Variants in LAMP1 observed in about 807,000 individuals in gnomAD.
The protein encoded by LAMP1 is lysosome associated membrane protein 1.
LAMP1 carries 7 observed loss-of-function variants against 37.5 expected under a neutral mutation model. The observed-to-expected ratio is 0.19, with a 90% CI of 0.11 to 0.35. The LOEUF (loss-of-function observed/expected upper bound fraction) is 0.35. LAMP1 is among the 10% of genes least tolerant of loss of function. The probability of loss-of-function intolerance (pLI) is 1.00; values close to 1 mark genes in which losing one functional copy is unlikely to be tolerated. For synonymous variants in LAMP1, 236 were observed against 229.1 expected (o/e 1.03, Z -0.27); for missense variants, 537 against 552.8 (o/e 0.97, Z 0.29).
Position 113,319,597 on chromosome 13 carries a change from T to C in LAMP1, c.691T>C (p.Cys231Arg). ...CAACGTGAGCGGCACCAACGGGACC[T>C]GCCTGCTGGCCAGCATGGGGCTGCA... ...KYNVSGTNGT[C>R]LLASMGLQLN... The change falls in exon 5 of 9, where the codon TGC becomes CGC. Residue 231 changes from cysteine to arginine, a missense_variant. Cys to Arg is a radical substitution (Grantham distance 180). Coordinates refer to ENST00000332556, the MANE Select transcript of LAMP1 (RefSeq NM_005561.4). The C allele has an allele frequency of 1.9e-6, 3 of 1,613,964 alleles. No individual in the cohort carries two copies. Among genetic ancestry groups the C allele is most frequent in the Non-Finnish European group, 2.5e-6 (3 of 1,179,988 alleles).
Position 113,309,630 on chromosome 13 carries a change from G to T in LAMP1, c.184-13G>T. 6.3e-7 allele frequency: 1 copy of T among 1,592,548 alleles called. No individual in the cohort carries two copies. ...CATCCCAATTGGGTTACATTTAATTGTGTTTATTCTAGAACATGACCTTTG... is the reference window on the plus strand; with the variant it reads ...CATCCCAATTGGGTTACATTTAATTTTGTTTATTCTAGAACATGACCTTTG... On this transcript the variant is annotated splice_polypyrimidine_tract_variant and intron_variant, in intron 2 of 8. Transcript: ENST00000332556.
chr13:113,314,890 C>A (rs2042652260), intron 4 of LAMP1, among the ~76,000 whole-genome samples: 1 of 120,434 alleles, frequency 8.3e-6, no homozygotes. Flanking sequence ...GGGGCGTGGC[C>A]TCCTAGAGGG....
In LAMP1 at chr13:113,321,458, C is replaced by A. The variant is rs943758414; in HGVS notation, c.931C>A (p.Pro311Thr). Residue 311 changes from proline (P) to threonine (T), a missense_variant, in exon 7 of 9, where the codon CCT becomes ACT. Coordinates refer to ENST00000332556, the MANE Select transcript of LAMP1 (RefSeq NM_005561.4). This position sits in a 1 kb window ranked among gnomAD's most constrained non-coding sequence, Gnocchi z 5.6. Reference protein sequence around the residue: ...LQGIQLNTILPDARDPAFKAA... With the variant: ...LQGIQLNTILTDARDPAFKAA... The stretch of plus-strand genomic sequence containing the variant: ...AGGAATCCAGTTGAATACAATTCTT[C>A]CTGACGCCAGAGGTGAGAACCCACA... 1.9e-6 allele frequency: 3 copies of A among 1,614,070 alleles called. No homozygotes were observed. The Admixed American group carries it at 5.0e-5, about 27-fold the overall frequency.
intron 4 of LAMP1, among the ~76,000 whole-genome samples, chr13:113,313,798 A>G (rs1487435944): frequency 3.5e-4 from 23 of 65,242 alleles, no homozygotes; most frequent in Non-Finnish European, 5.3e-4. Flanking sequence ...CCTGGAGGGA[A>G]CCAGTGTGGA....
chr13:113,301,639 AAAAAAATATATATATAT>A lies in LAMP1; in HGVS notation c.61+4146_61+4162del, dbSNP rs1330931954. ...CTCTGTTTCCATTTAAAAAAAAAAAAAAAAAATATATATATATATATATATATATATATATATATATA... is the reference window on the plus strand; with the variant it reads ...CTCTGTTTCCATTTAAAAAAAAAAAAATATATATATATATATATATATATA... On this transcript the variant is annotated intron_variant, in intron 1 of 8. Coordinates refer to ENST00000332556, the MANE Select transcript of LAMP1 (RefSeq NM_005561.4). Among the ~76,000 whole-genome samples, 185 of 31,162 alleles carry A rather than the reference AAAAAAATATATATATAT, an allele frequency of 5.9e-3. 12 individuals are homozygous for A. Among genetic ancestry groups the A allele is most frequent in the African/African-American group, 0.014 (173 of 12,536 alleles). 20.4% of individuals were successfully genotyped at this position (31,162 alleles called of 152,430 possible).
intron 4 of LAMP1, among the ~76,000 whole-genome samples, chr13:113,313,546 C>T (rs1260439404): frequency 1.3e-5 from 2 of 150,748 alleles, no homozygotes; most frequent in Admixed American, 1.3e-4. Context: ...GGGGCGTGGC[C>T]TCCTAGAGGG....
chr13:113,304,767 C>G (rs1393786395), intron 1 of LAMP1, among the ~76,000 whole-genome samples: 2 of 152,104 alleles, frequency 1.3e-5, no homozygotes, highest in African/African-American at 4.8e-5. Flanking sequence ...AGTGATTCTC[C>G]TGCCTCAGCC....
At chr13:113,313,011 C>T (rs2042638726) in intron 4 of LAMP1, among the ~76,000 whole-genome samples, 1 of 152,214 alleles carries the variant, frequency 6.6e-6, no homozygotes, top group Non-Finnish European at 1.5e-5. Flanking sequence ...GGCACGCACT[C>T]TCTGTCAGAG....
rs1293435172 is a variant in LAMP1, at chr13:113,297,492, C to T, written c.58C>T (p.Leu20Phe). The T allele has an allele frequency of 4.8e-6, 6 of 1,253,456 alleles. No individual in the cohort carries two copies. The highest frequency in any genetic ancestry group is 4.7e-5 in the African/African-American group (3 of 64,456). The allele number at this position is 1,253,456 out of a possible 1,614,324, so 77.6% of individuals were successfully genotyped here. The change falls in exon 1 of 9, where the codon CTC (leucine) becomes TTC (phenylalanine). Residue 20 changes from leucine to phenylalanine, a missense_variant. Physicochemically the swap from Leu to Phe is conservative, Grantham distance 22. Transcript: ENST00000332556. This position sits in a 1 kb window ranked among gnomAD's most constrained non-coding sequence, Gnocchi z 4.4. ...PLLLLLLLLL[L>F]GLMHCASAAM... ...GCTGCTGCTACTGCTGTTGCTGCTG[C>T]TCGGTGAGGGGGTCGAGGCGGGGCC...
intron 1 of LAMP1, among the ~76,000 whole-genome samples, chr13:113,298,742 T>A (rs2042555534): frequency 6.6e-6 from 1 of 152,254 alleles, no homozygotes; most frequent in Non-Finnish European, 1.5e-5. Context: ...GTGTAGTTAA[T>A]GAAAGGAGTT....
chr13:113,309,972 T>C, intron 3 of LAMP1, 110 bp downstream of exon 3: 1 of 828,602 alleles, frequency 1.2e-6, no homozygotes, highest in Non-Finnish European at 2.0e-6. Flanking sequence ...CTCACACCTG[T>C]AATCCTAGCA....
At chr13:113,300,825 GAAAA>G (rs943504529) in intron 1 of LAMP1, among the ~76,000 whole-genome samples, 2 of 152,122 alleles carry the variant, frequency 1.3e-5, no homozygotes, top group Non-Finnish European at 2.9e-5. Context: ...AAAAAACAAA[GAAAA>G]AAATTTTTTT....
chr13:113,318,649 T>A (rs1245013930), intron 4 of LAMP1, among the ~76,000 whole-genome samples: 3 of 152,116 alleles, frequency 2.0e-5, no homozygotes, highest in Admixed American at 6.5e-5. Context: ...CAGAGTCACA[T>A]TCAGACTGCT....
At chr13:113,312,139 G>T (rs1268222691) in intron 4 of LAMP1, among the ~76,000 whole-genome samples, 1 of 152,154 alleles carries the variant, frequency 6.6e-6, no homozygotes, top group Non-Finnish European at 1.5e-5. Context: ...AGGATCGTCC[G>T]TCTCACTCCT....
chr13:113,316,888 A>C lies in LAMP1; in HGVS notation c.563-2581A>C, dbSNP rs551195898. 4.6e-5 allele frequency among the ~76,000 whole-genome samples: 7 copies of C among 151,926 alleles called. No homozygotes were observed. The East Asian group carries it at 1.4e-3, about 29-fold the overall frequency. On this transcript the variant is annotated intron_variant, in intron 4 of 8. Coordinates refer to ENST00000332556, the MANE Select transcript of LAMP1 (RefSeq NM_005561.4). The stretch of plus-strand genomic sequence containing the variant: ...GACTCTGTCTCAAAAAAAAAAAAAA[A>C]GAACTACCATCAGAAAGGCGGAGAG...
chr13:113,318,077 C>T (rs914009033), intron 4 of LAMP1, among the ~76,000 whole-genome samples: 2 of 152,240 alleles, frequency 1.3e-5, no homozygotes, highest in African/African-American at 4.8e-5. Flanking sequence ...CAGGTTGGGA[C>T]GGCTCCCAGT....
chr13:113,317,712 T>G (rs1179733521), intron 4 of LAMP1, among the ~76,000 whole-genome samples: 3 of 151,952 alleles, frequency 2.0e-5, no homozygotes, highest in Admixed American at 6.6e-5. Context: ...TTTTTTTTTT[T>G]TTGAGACAGG....
chr13:113,306,327 A>C, intron 1 of LAMP1, 158 bp from the exon 2 acceptor site: 1 of 746,634 alleles, frequency 1.3e-6, no homozygotes, highest in Non-Finnish European at 2.1e-6. Flanking sequence ...ACTGCACCCC[A>C]GCCTGGCGAC....
Position 113,321,356 on chromosome 13 carries a change from T to C in LAMP1, c.877-48T>C, listed in dbSNP as rs576745254. On this transcript the variant is annotated intron_variant, in intron 6 of 8. Transcript: ENST00000332556. The surrounding 1 kb of genome is among the most constrained non-coding windows in gnomAD (Gnocchi z 5.6). ...GTGAATCTACTGGGGTTAAAGATCA[T>C]CTTTCTATGAATCTGCTCCGTGATT... The C allele has an allele frequency of 6.8e-7, 1 of 1,466,690 alleles. No individual in the cohort carries two copies. Among genetic ancestry groups the C allele is most frequent in the South Asian group, 1.1e-5 (1 of 88,024 alleles). The allele number at this position is 1,466,690 out of a possible 1,614,324, so 90.9% of individuals were successfully genotyped here.
Sources: gnomAD v4.1 joint callset for allele counts (sites outside exome capture counted in the v4.1 genomes callset) on GRCh38, gnomAD v4.1.1 for gene constraint, Gnocchi (gnomAD v3.1) non-coding constraint, MANE v1.5 for transcripts, NCBI Gene and HGNC (gene_info 2026-07-23, HGNC 2026-07-21) for gene names.